NRG1: variants seen among roughly 807,000 people sequenced by gnomAD.
NRG1 encodes the protein neuregulin 1.
Under a neutral mutation model 63.8 loss-of-function variants are expected in NRG1, and 18 were observed. The observed-to-expected ratio is 0.28, with a 90% CI of 0.19 to 0.42. The LOEUF is 0.42. Among genes scored for constraint, NRG1 ranks in the 10% least tolerant of loss-of-function variants. The pLI is 1.00. For synonymous variants in NRG1, 302 were observed against 301.3 expected (o/e 1.00, Z -0.02); for missense variants, 762 against 814.7 (o/e 0.94, Z 0.79).
intron 1 of NRG1, among the ~76,000 whole-genome samples, chr8:32,458,037 C>T (rs1203146054): frequency 6.6e-6 from 1 of 152,084 alleles, no homozygotes; most frequent in Non-Finnish European, 1.5e-5. Flanking sequence ...CCTGTCTCAG[C>T]CTCCTAAATA....
At position 32,519,170 on chromosome 8, in the gene NRG1, G is replaced by T. The variant is rs149407313; in HGVS notation, c.38-76658G>T. 5.8e-3 allele frequency among the ~76,000 whole-genome samples: 888 copies of T among 152,214 alleles called. 5 individuals are homozygous for T. Among genetic ancestry groups the T allele is most frequent in the African/African-American group, 0.02 (836 of 41,552 alleles). On this transcript the variant is annotated intron_variant, in intron 1 of 10. Transcript: ENST00000519301. ...GGCTATTATCTTGGAGTTAATTAAA[G>T]TTAATTTAGTTTTGAGCATTATTAA...
intron 1 of NRG1, among the ~76,000 whole-genome samples, chr8:32,044,912 G>GAAAAAAAAAAAAAAAAAA (rs1563719018): frequency 2.7e-4 from 1 of 3,680 alleles, no homozygotes; most frequent in Non-Finnish European, 9.6e-4. Context: ...ATAAAGAAAA[G>GAAAAAAAAAAAAAAAAAA]CAAAAAAAAA....
chr8:32,764,164 T>G, exon 12 of NRG1: 2 of 1,613,990 alleles, frequency 1.2e-6, no homozygotes, highest in Non-Finnish European at 1.7e-6. Context: ...AGATTGGAAG[T>G]GGACAGCAAC....
At chr8:31,671,335 AC>A (rs1410922027) in intron 1 of NRG1, among the ~76,000 whole-genome samples, 3 of 152,058 alleles carry the variant, frequency 2.0e-5, no homozygotes, top group Admixed American at 6.6e-5. Flanking sequence ...GAAGATCAAA[AC>A]CTTTTTATTT....
chr8:31,958,044 C>CAGATAGATAGATAGATAGATAGATAGAT (rs59793665), intron 1 of NRG1, among the ~76,000 whole-genome samples: 9 of 145,840 alleles, frequency 6.2e-5, no homozygotes, highest in East Asian at 2.1e-4. Context: ...CAGTAGAGAC[C>CAGATAGATAGATAGATAGATAGATAGAT]AGATAGATAG....
intron 1 of NRG1, among the ~76,000 whole-genome samples, chr8:32,250,253 CAT>C (rs971386778): frequency 2.6e-5 from 4 of 152,124 alleles, no homozygotes; most frequent in Non-Finnish European, 5.9e-5. Context: ...AGTTCCACTA[CAT>C]TTTAGTCATT....
intron 1 of NRG1, among the ~76,000 whole-genome samples, chr8:31,813,529 T>TTTTG (rs1563433571): frequency 1.1e-4 from 15 of 140,734 alleles, no homozygotes; most frequent in South Asian, 2.3e-4. Context: ...TTTTTTTTTT[T>TTTTG]TTTTGTTTTT....
intron 1 of NRG1, among the ~76,000 whole-genome samples, chr8:32,571,797 T>C (rs1393347959): frequency 1.3e-5 from 2 of 152,166 alleles, no homozygotes; most frequent in African/African-American, 4.8e-5. Context: ...TTTTCAAAGT[T>C]ACTCAAAAGG....
intron 5 of NRG1, among the ~76,000 whole-genome samples, chr8:32,675,957 A>T (rs1563922077): frequency 1.3e-5 from 2 of 152,212 alleles, no homozygotes; most frequent in Non-Finnish European, 1.5e-5. Flanking sequence ...ATGACCACAA[A>T]TTGAGAGAAT....
intron 1 of NRG1, among the ~76,000 whole-genome samples, chr8:32,460,959 T>C (rs1426959348): frequency 2.0e-5 from 3 of 152,182 alleles, no homozygotes; most frequent in Non-Finnish European, 4.4e-5. Flanking sequence ...GACTATAATT[T>C]TCATAGATCT....
At chr8:31,832,821 A>G (rs1222049238) in intron 1 of NRG1, among the ~76,000 whole-genome samples, 1 of 152,190 alleles carries the variant, frequency 6.6e-6, no homozygotes, top group Non-Finnish European at 1.5e-5. Context: ...GAAATTGCAA[A>G]CAGTCCAAAT....
chr8:32,271,790 A>G (rs773757687), intron 1 of NRG1, among the ~76,000 whole-genome samples: 1 of 152,114 alleles, frequency 6.6e-6, no homozygotes, highest in Non-Finnish European at 1.5e-5. Flanking sequence ...CTCTACAATC[A>G]TGCACCTAGG....
intron 1 of NRG1, among the ~76,000 whole-genome samples, chr8:31,863,733 C>G (rs1004982098): frequency 2.0e-5 from 3 of 152,144 alleles, no homozygotes; most frequent in African/African-American, 7.2e-5. Flanking sequence ...TCCAATTAAC[C>G]CAACTTTTAG....
At chr8:32,759,943 G>A (rs1489791673) in intron 10 of NRG1, among the ~76,000 whole-genome samples, 1 of 152,064 alleles carries the variant, frequency 6.6e-6, no homozygotes, top group African/African-American at 2.4e-5. Context: ...ATATACTGAG[G>A]AGTGGCATTC....
At chr8:31,997,251 C>G (rs1431519011) in intron 1 of NRG1, among the ~76,000 whole-genome samples, 1 of 143,566 alleles carries the variant, frequency 7.0e-6, no homozygotes, top group Non-Finnish European at 1.5e-5. Flanking sequence ...GCTTCCAGTT[C>G]ACTTTTCAAA....
intron 6 of NRG1, chr8:32,728,383 T>G: frequency 1.0e-6 from 1 of 985,312 alleles, no homozygotes; most frequent in Non-Finnish European, 1.2e-6. Context: ...AGAAAAGATG[T>G]GCAGATATCA....
intron 1 of NRG1, among the ~76,000 whole-genome samples, chr8:32,324,973 G>A (rs867618909): frequency 9.9e-5 from 15 of 152,282 alleles, no homozygotes; most frequent in East Asian, 7.7e-4. Context: ...AAGGTTGTCC[G>A]AATGTTTAAA....
chr8:32,163,142 C>T (rs375585578), intron 1 of NRG1, among the ~76,000 whole-genome samples: 1 of 152,186 alleles, frequency 6.6e-6, no homozygotes, highest in Non-Finnish European at 1.5e-5. Flanking sequence ...AAGAGCGAGA[C>T]AGGAAGGGAA....
At chr8:32,186,182 A>G (rs893280744) in intron 1 of NRG1, among the ~76,000 whole-genome samples, 1 of 152,138 alleles carries the variant, frequency 6.6e-6, no homozygotes, top group African/African-American at 2.4e-5. Context: ...ATGAAACACA[A>G]GGCCGTGTGC....
Sources: gnomAD v4.1 joint callset for allele counts (sites outside exome capture counted in the v4.1 genomes callset) on GRCh38, gnomAD v4.1.1 for gene constraint, MANE v1.5 for transcripts, NCBI Gene and HGNC (gene_info 2026-07-23, HGNC 2026-07-21) for gene names.